Variants in ANKRD55 observed in about 807,000 individuals in gnomAD.
ANKRD55 encodes the protein ankyrin repeat domain-containing protein 55.
Under a neutral mutation model 60.6 loss-of-function variants are expected in ANKRD55, and 41 were observed. The observed-to-expected ratio is 0.68, with a 90% CI of 0.53 to 0.88. The LOEUF (loss-of-function observed/expected upper bound fraction) is 0.88. ANKRD55 is among the 40% of genes least tolerant of loss of function. ANKRD55 has a pLI of 0.00. For synonymous variants in ANKRD55, 264 were observed against 290.3 expected (o/e 0.91, Z 0.92); for missense variants, 732 against 767.6 (o/e 0.95, Z 0.55).
intron 7 of ANKRD55, among the ~76,000 whole-genome samples, chr5:56,130,625 C>G (rs1757384123): frequency 6.6e-6 from 1 of 152,156 alleles, no homozygotes; most frequent in African/African-American, 2.4e-5. Context: ...GTGAATAACA[C>G]AATATCTACA....
At position 56,111,446 on chromosome 5, in the gene ANKRD55, C is replaced by T. The variant is rs375196460; in HGVS notation, c.1302G>A (p.Thr434=). The T allele has an allele frequency of 3.1e-5, 50 of 1,614,014 alleles. No homozygotes were observed. Among genetic ancestry groups the T allele is most frequent in the Middle Eastern group, 3.3e-4 (2 of 6,064 alleles). ...LARKGLPPIR[T]QSLPPITLGN... is the part of the protein sequence containing the mutation. ...CCAGGGTGATGGGTGGGAGACTCTG[C>T]GTTCTGATTGGTGGAAGCCCCTTAC... Residue 434 remains threonine (T), a synonymous_variant, in exon 10 of 12, where the codon ACG becomes ACA. Transcript: ENST00000341048.
intron 2 of ANKRD55, among the ~76,000 whole-genome samples, chr5:56,201,881 C>T (rs912720467): frequency 5.9e-5 from 9 of 152,140 alleles, no homozygotes; most frequent in Non-Finnish European, 1.3e-4. Flanking sequence ...TTAGCAAAAA[C>T]ATGGAATCAA....
intron 7 of ANKRD55, among the ~76,000 whole-genome samples, chr5:56,140,323 C>A (rs1022732936): frequency 2.0e-4 from 31 of 152,176 alleles, no homozygotes; most frequent in African/African-American, 6.3e-4. Context: ...GCAGAGTACA[C>A]CACTTCTGAA....
rs528559847 is a variant in ANKRD55, at chr5:56,132,860, G to A, written c.613-5754C>T. Among the ~76,000 whole-genome samples, 4 of 152,064 alleles carry A rather than the reference G, an allele frequency of 2.6e-5. No individual in the cohort carries two copies. In the East Asian group the frequency reaches 7.7e-4, roughly 29 times the overall value. The stretch of plus-strand genomic sequence containing the variant: ...GAAAACACTAACCAAAAGAAAGCAG[G>A]AGTAGCTATATATTATAATTCTAGA... On this transcript the variant is annotated intron_variant, in intron 7 of 11. Coordinates refer to ENST00000341048, the MANE Select transcript of ANKRD55 (RefSeq NM_024669.3).
At chr5:56,158,822 T>C (rs1758256131) in intron 6 of ANKRD55, among the ~76,000 whole-genome samples, 1 of 151,968 alleles carries the variant, frequency 6.6e-6, no homozygotes, top group African/African-American at 2.4e-5. Flanking sequence ...GCCTCCAGAG[T>C]AGCTGGGACT....
chr5:56,170,830 T>C, intron 4 of ANKRD55, 27 bp from the exon 5 acceptor site: 1 of 1,594,214 alleles, frequency 6.3e-7, no homozygotes, highest in Non-Finnish European at 8.6e-7. Context: ...ACCACATCAT[T>C]ATATAACAGA....
At chr5:56,174,190 G>T (rs1312638239) in intron 4 of ANKRD55, among the ~76,000 whole-genome samples, 2 of 152,144 alleles carry the variant, frequency 1.3e-5, no homozygotes, top group Admixed American at 1.3e-4. Context: ...GTCTGCAAAG[G>T]TGTCAACTTT....
At chr5:56,210,666 A>G (rs1759650898) in intron 2 of ANKRD55, among the ~76,000 whole-genome samples, 1 of 151,940 alleles carries the variant, frequency 6.6e-6, no homozygotes, top group African/African-American at 2.4e-5. Flanking sequence ...TTGCCAATTA[A>G]GTTCTCAGTT....
At position 56,111,316 on chromosome 5, in the gene ANKRD55, C is replaced by G. The variant is rs201200897; in HGVS notation, c.1432G>C (p.Asp478His). Residue 478 changes from aspartate to histidine, a missense_variant, in exon 10 of 12, where the codon GAT (aspartate) becomes CAT (histidine). Asp to His is a moderately conservative substitution (Grantham distance 81). Coordinates refer to ENST00000341048, the MANE Select transcript of ANKRD55 (RefSeq NM_024669.3). ...QRSQKSRSEQDLLNNRTGCQM... is the reference protein window; with the variant it reads ...QRSQKSRSEQHLLNNRTGCQM... The stretch of plus-strand genomic sequence containing the variant: ...CAGCCAGTTCTGTTATTTAATAAAT[C>G]CTGCTCACTTCGACTTTTCTGAGAT... 1 of 1,614,132 alleles carries G rather than the reference C, an allele frequency of 6.2e-7. No homozygotes were observed. Among genetic ancestry groups the G allele is most frequent in the East Asian group, 2.2e-5 (1 of 44,886 alleles).
chr5:56,109,502 T>C (rs1252187752), intron 10 of ANKRD55, among the ~76,000 whole-genome samples: 2 of 152,112 alleles, frequency 1.3e-5, no homozygotes, highest in East Asian at 3.9e-4. Flanking sequence ...CAGCCTCTGC[T>C]TTTGAACAAT....
intron 2 of ANKRD55, among the ~76,000 whole-genome samples, chr5:56,192,375 G>A (rs1759117177): frequency 6.6e-6 from 1 of 152,244 alleles, no homozygotes; most frequent in Non-Finnish European, 1.5e-5. Flanking sequence ...AAACTCTGCC[G>A]CTGCTGCCGG....
intron 8 of ANKRD55, among the ~76,000 whole-genome samples, chr5:56,121,236 G>C (rs181135916): frequency 6.6e-6 from 1 of 152,094 alleles, no homozygotes; most frequent in African/African-American, 2.4e-5. Context: ...TTTAAAAGAC[G>C]AGTTTAGGTT....
At chr5:56,110,117 C>G (rs1365841853) in intron 10 of ANKRD55, among the ~76,000 whole-genome samples, 1 of 150,674 alleles carries the variant, frequency 6.6e-6, no homozygotes, top group Non-Finnish European at 1.5e-5. Context: ...AATTCTTAGG[C>G]TTGGTGTGGT....
intron 2 of ANKRD55, among the ~76,000 whole-genome samples, chr5:56,208,224 A>G (rs1759561802): frequency 1.3e-5 from 2 of 152,034 alleles, no homozygotes; most frequent in Non-Finnish European, 2.9e-5. Context: ...GTCATCTCCT[A>G]TGAGAACAAT....
At chr5:56,153,591 G>A (rs1045923225) in intron 6 of ANKRD55, among the ~76,000 whole-genome samples, 3 of 152,180 alleles carry the variant, frequency 2.0e-5, no homozygotes, top group African/African-American at 7.2e-5. Context: ...TGTAATCCCA[G>A]CACTTTGGGA....
At chr5:56,136,079 C>T (rs1757591723) in intron 7 of ANKRD55, among the ~76,000 whole-genome samples, 1 of 151,900 alleles carries the variant, frequency 6.6e-6, no homozygotes, top group South Asian at 2.1e-4. Flanking sequence ...TGGAGATCTT[C>T]ATATGGTAAG....
Position 56,126,971 on chromosome 5 carries a change from G to C in ANKRD55, c.748C>G (p.Leu250Val). 6 of 1,613,640 alleles carry C rather than the reference G, an allele frequency of 3.7e-6. No homozygotes were observed. Among genetic ancestry groups the C allele is most frequent in the Non-Finnish European group, 4.2e-6 (5 of 1,179,748 alleles). Residue 250 changes from leucine (L) to valine (V), a missense_variant, in exon 8 of 12, where the codon CTG becomes GTG. By Grantham distance (32) the Leu-to-Val change is conservative. Transcript: ENST00000341048. ...AAGFSDIIHELARVPECNLQA... is the reference protein window; with the variant it reads ...AAGFSDIIHEVARVPECNLQA... ...AGGTTACACTCAGGGACTCTTGCCA[G>C]CTCATGAATAATATCGCTGAAGCCC...
intron 2 of ANKRD55, among the ~76,000 whole-genome samples, chr5:56,216,825 T>C (rs1759823802): frequency 6.6e-6 from 1 of 152,230 alleles, no homozygotes. Flanking sequence ...AGAAGCCATC[T>C]CTATAACACA....
intron 8 of ANKRD55, among the ~76,000 whole-genome samples, chr5:56,122,521 T>C (rs1226938453): frequency 6.7e-6 from 1 of 149,902 alleles, no homozygotes; most frequent in Non-Finnish European, 1.5e-5. Flanking sequence ...TAGCCAGGCA[T>C]GGTGGCGCAC....
Sources: allele counts gnomAD v4.1 joint callset (sites outside exome capture counted in the v4.1 genomes callset), GRCh38; gene constraint gnomAD v4.1.1; transcripts MANE v1.5; gene names NCBI Gene and HGNC (gene_info 2026-07-23, HGNC 2026-07-21).